The following TRPM1 variants were observed in gnomAD, a reference collection of about 807,000 sequenced individuals.
The protein encoded by TRPM1 is transient receptor potential cation channel subfamily M member 1, also known as TRPM1-203 APA Isoform, Intron 10.
In TRPM1, 113 loss-of-function variants were observed where a neutral mutation model predicts 149.4. That is an observed-to-expected ratio of 0.76 (90% CI 0.65 to 0.88). The LOEUF is 0.88. Among genes scored for constraint, TRPM1 ranks in the 40% least tolerant of loss-of-function variants. The probability of loss-of-function intolerance (pLI) is 0.00; values close to 1 mark genes in which losing one functional copy is unlikely to be tolerated. For missense variants in TRPM1, 1,976 were observed against 2,038.7 expected, an observed-to-expected ratio of 0.97 and a Z score of 0.59; for synonymous variants, 741 against 759.5, an observed-to-expected ratio of 0.98 and a Z score of 0.40.
At chr15:31,034,489 G>A (rs1216394441) in intron 21 of TRPM1, among the ~76,000 whole-genome samples, 1 of 152,160 alleles carries the variant, frequency 6.6e-6, no homozygotes, top group African/African-American at 2.4e-5. Flanking sequence ...GTCTCTGGTG[G>A]GTACCAATGA....
At chr15:31,089,672 C>G (rs10519727) in intron 1 of TRPM1, among the ~76,000 whole-genome samples, 13,919 of 152,276 alleles carry the variant, frequency 0.091, 876 homozygotes, top group Non-Finnish European at 0.14. Context: ...ACGGTTCACC[C>G]TATGATTGAG....
intron 11 of TRPM1, among the ~76,000 whole-genome samples, chr15:31,054,610 A>C (rs1365239967): frequency 1.3e-5 from 2 of 152,164 alleles, no homozygotes; most frequent in African/African-American, 4.8e-5. Context: ...GTTATGTTTA[A>C]AAGCATGTTT....
Position 31,061,488 on chromosome 15 carries a change from C to T in TRPM1, c.1116G>A (p.Glu372=), listed in dbSNP as rs781008589. 6.2e-7 allele frequency: 1 copy of T among 1,614,010 alleles called. No homozygotes were observed. The highest frequency in any genetic ancestry group is 8.5e-7 in the Non-Finnish European group (1 of 1,180,034). The change falls in exon 10 of 28, where the codon GAG becomes GAA. Residue 372 remains glutamate, a synonymous_variant. Coordinates refer to ENST00000256552, the MANE Select transcript of TRPM1 (RefSeq NM_001252024.2). The part of the protein sequence containing the change: ...ELVTVFRMGS[E]GQQDIEMAIL... The stretch of plus-strand genomic sequence containing the variant: ...TTGCCATCTCGATGTCCTGCTGGCC[C>T]TCAGAACCCATTCTGAACACAGTGA...
intron 11 of TRPM1, among the ~76,000 whole-genome samples, chr15:31,055,771 T>G (rs1245842436): frequency 6.6e-6 from 1 of 152,208 alleles, no homozygotes; most frequent in Admixed American, 6.5e-5. Flanking sequence ...GAGAAAAACC[T>G]GTTGGCAAAA....
chr15:31,160,939 G>A, exon 1 of TRPM1: 1 of 1,535,522 alleles, frequency 6.5e-7, no homozygotes, highest in Non-Finnish European at 8.7e-7. Flanking sequence ...TCTTGAGCGA[G>A]CCCCGCTTGA....
At chr15:31,096,934 G>C (rs998487148) in intron 1 of TRPM1, among the ~76,000 whole-genome samples, 3 of 152,184 alleles carry the variant, frequency 2.0e-5, no homozygotes, top group Admixed American at 1.3e-4. Context: ...CACGCCAGCA[G>C]GAGTGAGGGG....
intron 16 of TRPM1, among the ~76,000 whole-genome samples, chr15:31,045,678 T>C (rs1187314655): frequency 6.6e-6 from 1 of 152,244 alleles, no homozygotes; most frequent in Non-Finnish European, 1.5e-5. Context: ...ACGTGTATTT[T>C]AATCATTCCA....
At chr15:31,108,548 C>T (rs1045918601) in intron 1 of TRPM1, among the ~76,000 whole-genome samples, 1 of 152,166 alleles carries the variant, frequency 6.6e-6, no homozygotes, top group Non-Finnish European at 1.5e-5. Context: ...GGCTGGAGTG[C>T]AACGGCACGA....
chr15:31,099,645 A>T (rs1446203229), intron 1 of TRPM1, among the ~76,000 whole-genome samples: 1 of 152,242 alleles, frequency 6.6e-6, no homozygotes, highest in African/African-American at 2.4e-5. Context: ...ACAGAGCCAA[A>T]CCAAACACAA....
intron 12 of TRPM1, among the ~76,000 whole-genome samples, chr15:31,049,781 A>G (rs2033895338): frequency 1.3e-5 from 2 of 152,242 alleles, no homozygotes; most frequent in South Asian, 4.1e-4. Context: ...CCCTCCTGGC[A>G]TTGGCCTGCC....
chr15:31,071,344 C>T (rs2034532089), intron 3 of TRPM1, among the ~76,000 whole-genome samples: 1 of 152,126 alleles, frequency 6.6e-6, no homozygotes, highest in African/African-American at 2.4e-5. Flanking sequence ...GGTGGGAGAG[C>T]TGGGGATGGA....
Position 31,046,311 on chromosome 15 carries a change from A to G in TRPM1, c.1765-78T>C. On this transcript the variant is annotated intron_variant, in intron 15 of 27. Coordinates refer to ENST00000256552, the MANE Select transcript of TRPM1 (RefSeq NM_001252024.2). ...TAGTAGTACATTAGCAGTATTGTTGATAGTGGACATACGAATGGATTAAAA... is the reference window on the plus strand; with the variant it reads ...TAGTAGTACATTAGCAGTATTGTTGGTAGTGGACATACGAATGGATTAAAA... 7.3e-6 allele frequency: 10 copies of G among 1,362,518 alleles called. No homozygotes were observed. In the African/African-American group the frequency reaches 1.5e-4, roughly 20 times the overall value. The allele number at this position is 1,362,518 out of a possible 1,614,324, so 84.4% of individuals were successfully genotyped here.
chr15:31,051,327 G>A (rs895875800), intron 11 of TRPM1, among the ~76,000 whole-genome samples: 4 of 152,256 alleles, frequency 2.6e-5, no homozygotes, highest in Non-Finnish European at 5.9e-5. Context: ...AGACCCACCC[G>A]CTCCTCTTAC....
In TRPM1 at chr15:31,006,901, A is replaced by G. The variant is rs544794534; in HGVS notation, c.3630-3831T>C. On this transcript the variant is annotated intron_variant, in intron 27 of 27. Coordinates refer to ENST00000256552, the MANE Select transcript of TRPM1 (RefSeq NM_001252024.2). ...ATGTTGAGCATCTTTTTATGTACAT[A>G]TTTAACAACCTTATGTCCTCTCTGG... Among the ~76,000 whole-genome samples the G allele has an allele frequency of 1.1e-3, 161 of 152,212 alleles. 1 individual carries two copies. The highest frequency in any genetic ancestry group is 1.7e-3 in the Admixed American group (26 of 15,280).
intron 11 of TRPM1, among the ~76,000 whole-genome samples, chr15:31,052,604 A>G (rs2033975165): frequency 6.6e-6 from 1 of 152,110 alleles, no homozygotes; most frequent in African/African-American, 2.4e-5. Flanking sequence ...GTAAAATCCC[A>G]TCTCTACTAA....
intron 1 of TRPM1, among the ~76,000 whole-genome samples, chr15:31,132,085 G>A (rs187026904): frequency 5.8e-4 from 89 of 152,282 alleles, no homozygotes; most frequent in East Asian, 9.7e-4. Context: ...CTGTTACGCC[G>A]TGTTCTGGGC....
chr15:31,045,454 C>T (rs2140934546), intron 16 of TRPM1, among the ~76,000 whole-genome samples: 1 of 152,278 alleles, frequency 6.6e-6, no homozygotes, highest in Admixed American at 6.5e-5. Flanking sequence ...AATAATTTCT[C>T]CCTTTCTTGG....
chr15:31,134,135 G>A (rs1253330863), intron 1 of TRPM1, among the ~76,000 whole-genome samples: 1 of 152,230 alleles, frequency 6.6e-6, no homozygotes, highest in Non-Finnish European at 1.5e-5. Context: ...ACAGGCTCAG[G>A]TTGGGCTGGG....
chr15:31,124,226 A>G (rs1816161), intron 1 of TRPM1, among the ~76,000 whole-genome samples: 84,068 of 151,774 alleles, frequency 0.55, 24,417 homozygotes, highest in African/African-American at 0.69. Context: ...CAGAGGTTGC[A>G]GTGAGCCGAG....
Sources: gnomAD v4.1 joint callset for allele counts (sites outside exome capture counted in the v4.1 genomes callset) on GRCh38, gnomAD v4.1.1 for gene constraint, MANE v1.5 for transcripts, NCBI Gene and HGNC (gene_info 2026-07-23, HGNC 2026-07-21) for gene names.